CORO2B: variants seen among roughly 807,000 people sequenced by gnomAD.
CORO2B encodes coronin-2B.
CORO2B carries 26 observed loss-of-function variants against 58.8 expected under a neutral mutation model. The observed-to-expected ratio is 0.44, with a 90% CI of 0.32 to 0.61. The LOEUF (loss-of-function observed/expected upper bound fraction) is 0.61. CORO2B is among the 20% of genes least tolerant of loss of function. The pLI is 0.04. For synonymous variants in CORO2B, 242 were observed against 253.8 expected, an observed-to-expected ratio of 0.95 and a Z score of 0.44; for missense variants, 460 against 645.1, an observed-to-expected ratio of 0.71 and a Z score of 3.11.
At chr15:68,569,021 A>G in the CORO2B span, among the ~76,000 whole-genome samples, 1 of 152,192 alleles carries the variant, frequency 6.6e-6, no homozygotes, top group South Asian at 2.1e-4. Context: ...AAAAAAGAAG[A>G]AAAATACACT....
intron 1 of CORO2B, among the ~76,000 whole-genome samples, chr15:68,619,689 A>ATGTACACATACATATG (rs1196331716): frequency 6.6e-6 from 1 of 152,074 alleles, no homozygotes; most frequent in Non-Finnish European, 1.5e-5. Flanking sequence ...GTATATATAT[A>ATGTACACATACATATG]TGTACACATA....
rs1038857150 is a variant in CORO2B, at chr15:68,719,312, G to T, written c.1171+78G>T. Reference sequence around the variant, plus strand: ...AGCGCAGCTCACCCCAGTTCTCCTTGTCTGTCCCCCTGTTTGAACTTCCCT... The same window carrying T: ...AGCGCAGCTCACCCCAGTTCTCCTTTTCTGTCCCCCTGTTTGAACTTCCCT... On this transcript the variant is annotated intron_variant, in intron 10 of 11. Coordinates refer to ENST00000261861, the MANE Select transcript of CORO2B (RefSeq NM_006091.5). 8 of 1,599,036 alleles carry T rather than the reference G, an allele frequency of 5.0e-6. No homozygotes were observed. In the African/African-American group the frequency reaches 5.4e-5, roughly 11 times the overall value.
chr15:68,559,554 CG>C, the CORO2B span: 1 of 984,462 alleles, frequency 1.0e-6, no homozygotes, highest in Non-Finnish European at 1.2e-6. This position sits in a 1 kb window ranked among gnomAD's most constrained non-coding sequence, Gnocchi z 4.3. Context: ...CGTGCCAAGC[CG>C]GCCCGCTGGA....
At chr15:68,604,169 G>T (rs529443980) in intron 1 of CORO2B, among the ~76,000 whole-genome samples, 1 of 152,120 alleles carries the variant, frequency 6.6e-6, no homozygotes, top group Non-Finnish European at 1.5e-5. Context: ...TTCTTATCAC[G>T]TTCGCTTGTC....
chr15:68,674,564 G>T lies in CORO2B; in HGVS notation c.217-20576G>T, dbSNP rs964477279. ...ACAGCCATCACCCTCTTACTCACTG[G>T]GTGACCTCAAGCAAGTGCCCTCCCC... On this transcript the variant is annotated intron_variant, in intron 2 of 11. Transcript: ENST00000261861. Among the ~76,000 whole-genome samples the T allele has an allele frequency of 5.3e-5, 8 of 152,284 alleles. No individual in the cohort carries two copies. In the South Asian group the frequency reaches 1.7e-3, roughly 32 times the overall value.
chr15:68,702,602 C>A (rs1014705090), intron 3 of CORO2B, among the ~76,000 whole-genome samples: 1 of 151,966 alleles, frequency 6.6e-6, no homozygotes, highest in Non-Finnish European at 1.5e-5. Flanking sequence ...TGACAAGAAA[C>A]GGGGAGGAGA....
chr15:68,549,940 C>T, the CORO2B span, among the ~76,000 whole-genome samples: 13 of 61,506 alleles, frequency 2.1e-4, no homozygotes, highest in Admixed American at 2.0e-3. Context: ...GACTATGTCT[C>T]AAAAAATAAA....
chr15:68,669,150 A>AAAAAGAAAAGAAAGAAAG (rs1902300577), intron 2 of CORO2B, among the ~76,000 whole-genome samples: 4 of 151,776 alleles, frequency 2.6e-5, no homozygotes, highest in South Asian at 4.2e-4. Context: ...AAGAAGAAAG[A>AAAAAGAAAAGAAAGAAAG]AAAAGAAAAG....
At chr15:68,579,773 C>G (rs1899381269) in intron 1 of CORO2B, among the ~76,000 whole-genome samples, 1 of 152,222 alleles carries the variant, frequency 6.6e-6, no homozygotes, top group African/African-American at 2.4e-5. Context: ...CAAAGCCACT[C>G]TGTGCAGAAG....
intron 11 of CORO2B, among the ~76,000 whole-genome samples, chr15:68,724,844 G>A (rs190822572): frequency 6.6e-6 from 1 of 152,252 alleles, no homozygotes; most frequent in East Asian, 1.9e-4. Context: ...TCCAGGGCTC[G>A]GCGTTTTGTG....
chr15:68,560,574 C>G, the CORO2B span, among the ~76,000 whole-genome samples: 1 of 152,312 alleles, frequency 6.6e-6, no homozygotes, highest in Non-Finnish European at 1.5e-5. Flanking sequence ...GTTAGGATGA[C>G]AGGCCTGAGC....
At chr15:68,643,576 T>TGGGAAGTGGAGAAG (rs1901325361) in intron 1 of CORO2B, among the ~76,000 whole-genome samples, 1 of 151,906 alleles carries the variant, frequency 6.6e-6, no homozygotes, top group South Asian at 2.1e-4. Context: ...AGGGCAACCT[T>TGGGAAGTGGAGAAG]GGGAAGTGGA....
At chr15:68,573,204 A>G in the CORO2B span, among the ~76,000 whole-genome samples, 4 of 152,080 alleles carry the variant, frequency 2.6e-5, no homozygotes, top group Non-Finnish European at 5.9e-5. Flanking sequence ...AACCCCCAGC[A>G]TCCCCCATGC....
the CORO2B span, among the ~76,000 whole-genome samples, chr15:68,540,353 A>G: frequency 6.6e-6 from 1 of 152,284 alleles, no homozygotes; most frequent in Non-Finnish European, 1.5e-5. Flanking sequence ...CAAGTTTTCC[A>G]AAATTCTAAT....
At chr15:68,669,823 A>G (rs1395955383) in intron 2 of CORO2B, among the ~76,000 whole-genome samples, 2 of 152,080 alleles carry the variant, frequency 1.3e-5, no homozygotes, top group African/African-American at 4.8e-5. Flanking sequence ...TCAGGAGGCC[A>G]AGGTGGGTGG....
chr15:68,648,029 CAAA>C (rs59821203), intron 2 of CORO2B, among the ~76,000 whole-genome samples: 2 of 84,292 alleles, frequency 2.4e-5, no homozygotes, highest in Non-Finnish European at 2.2e-5. Flanking sequence ...TCCTGTCTCT[CAAA>C]AAAAAAAAAA....
intron 1 of CORO2B, among the ~76,000 whole-genome samples, chr15:68,630,857 T>C (rs1336711965): frequency 6.6e-6 from 1 of 152,164 alleles, no homozygotes; most frequent in East Asian, 1.9e-4. Context: ...CGCCAGGATT[T>C]ACATCCTCAA....
chr15:68,636,853 C>T (rs1420394758), intron 1 of CORO2B, among the ~76,000 whole-genome samples: 1 of 152,234 alleles, frequency 6.6e-6, no homozygotes, highest in Non-Finnish European at 1.5e-5. Context: ...CAATGCAACA[C>T]ACTGCAGTGA....
intron 2 of CORO2B, among the ~76,000 whole-genome samples, chr15:68,668,824 A>T (rs1030490207): frequency 1.3e-5 from 2 of 152,216 alleles, no homozygotes; most frequent in African/African-American, 4.8e-5. Flanking sequence ...CACGCCTGTA[A>T]TCCCAGCACT....
Sources: allele counts gnomAD v4.1 joint callset (sites outside exome capture counted in the v4.1 genomes callset), GRCh38; gene constraint gnomAD v4.1.1; non-coding constraint Gnocchi (gnomAD v3.1); transcripts MANE v1.5; gene names NCBI Gene and HGNC (gene_info 2026-07-23, HGNC 2026-07-21).